RAPH1: variants seen among roughly 807,000 people sequenced by gnomAD.
RAPH1 encodes ras-associated and pleckstrin homology domains-containing protein 1.
RAPH1 carries 18 observed loss-of-function variants against 88.1 expected under a neutral mutation model. That is an observed-to-expected ratio of 0.20 (90% CI 0.14 to 0.30). RAPH1 has a LOEUF of 0.30. RAPH1 is among the 10% of genes least tolerant of loss of function. The pLI, the probability that RAPH1 is intolerant of heterozygous loss-of-function variation, is 1.00. For missense variants in RAPH1, 1,448 were observed against 1,543.2 expected (o/e 0.94, Z 1.03); for synonymous variants, 587 against 559.0 (o/e 1.05, Z -0.71).
At chr2:203,462,475 A>G (rs2098524894) in intron 4 of RAPH1, among the ~76,000 whole-genome samples, 1 of 152,252 alleles carries the variant, frequency 6.6e-6, no homozygotes, top group African/African-American at 2.4e-5. Flanking sequence ...TCTCATTAGT[A>G]TACCAATACA....
chr2:203,476,705 CTT>C (rs1398975081), intron 4 of RAPH1, among the ~76,000 whole-genome samples: 10 of 152,148 alleles, frequency 6.6e-5, no homozygotes, highest in Non-Finnish European at 1.3e-4. Flanking sequence ...AGAAACTAGG[CTT>C]TCAGTTAAGC....
chr2:203,517,480 G>A (rs1411779981), intron 1 of RAPH1, among the ~76,000 whole-genome samples: 1 of 149,650 alleles, frequency 6.7e-6, no homozygotes, highest in Non-Finnish European at 1.5e-5. Flanking sequence ...AATCAGTAAA[G>A]ATATAGTTGA....
intron 1 of RAPH1, among the ~76,000 whole-genome samples, chr2:203,496,153 G>A (rs1441997668): frequency 1.3e-5 from 2 of 152,088 alleles, no homozygotes. Flanking sequence ...GTGGTCAGGG[G>A]TTTGAAACCA....
intron 1 of RAPH1, chr2:203,533,388 C>T (rs1457077991): frequency 2.6e-5 from 4 of 152,184 alleles, no homozygotes; most frequent in Admixed American, 2.6e-4. Context: ...CATCTGGTTT[C>T]TGGGAAATTC....
intron 1 of RAPH1, among the ~76,000 whole-genome samples, chr2:203,502,416 G>A (rs1688774236): frequency 6.6e-6 from 1 of 152,082 alleles, no homozygotes; most frequent in Non-Finnish European, 1.5e-5. Flanking sequence ...TACATTAACT[G>A]TGAAGTAATT....
At chr2:203,523,997 C>G (rs1471105247) in intron 1 of RAPH1, among the ~76,000 whole-genome samples, 1 of 152,100 alleles carries the variant, frequency 6.6e-6, no homozygotes, top group Admixed American at 6.5e-5. Flanking sequence ...GAGCGAGACT[C>G]TGTCTCAAAA....
At chr2:203,449,840 C>T (rs766330557) in intron 10 of RAPH1, among the ~76,000 whole-genome samples, 3 of 151,874 alleles carry the variant, frequency 2.0e-5, no homozygotes, top group African/African-American at 4.8e-5. Context: ...CTGACCAACA[C>T]GGTGAAACCC....
chr2:203,443,713 C>T (rs895026268), intron 13 of RAPH1: 1 of 151,832 alleles, frequency 6.6e-6, no homozygotes, highest in Non-Finnish European at 1.5e-5. Context: ...AATATGGTGG[C>T]TCATGCCTGT....
At chr2:203,528,506 G>A (rs1690228818) in intron 1 of RAPH1, among the ~76,000 whole-genome samples, 1 of 152,056 alleles carries the variant, frequency 6.6e-6, no homozygotes, top group Non-Finnish European at 1.5e-5. Context: ...TCTCCTAATA[G>A]AAAGTACAGC....
intron 1 of RAPH1, among the ~76,000 whole-genome samples, chr2:203,528,316 C>T (rs950018867): frequency 6.6e-6 from 1 of 152,046 alleles, no homozygotes; most frequent in African/African-American, 2.4e-5. Context: ...AACAGAGAAG[C>T]CATTTCTAAC....
At chr2:203,486,821 G>A (rs1327247956) in intron 4 of RAPH1, among the ~76,000 whole-genome samples, 1 of 152,122 alleles carries the variant, frequency 6.6e-6, no homozygotes, top group Non-Finnish European at 1.5e-5. Context: ...AGCAAGTTCC[G>A]GGTTTGTTAA....
At chr2:203,445,475 T>C (rs2098508639) in intron 12 of RAPH1, 1 of 153,848 alleles carries the variant, frequency 6.5e-6, no homozygotes, top group African/African-American at 2.4e-5. Flanking sequence ...TTTCTAGCAA[T>C]GAGCAATACT....
intron 1 of RAPH1, among the ~76,000 whole-genome samples, chr2:203,509,172 G>C (rs2105916651): frequency 6.7e-6 from 1 of 148,660 alleles, no homozygotes; most frequent in East Asian, 2.0e-4. Flanking sequence ...CCAGGTTCAA[G>C]TGATTCTTGT....
At chr2:203,477,942 T>C (rs942467347) in intron 4 of RAPH1, among the ~76,000 whole-genome samples, 16 of 152,284 alleles carry the variant, frequency 1.1e-4, no homozygotes, top group Middle Eastern at 3.4e-3. Context: ...CACTCATTTT[T>C]CCCTTAATTT....
intron 4 of RAPH1, among the ~76,000 whole-genome samples, chr2:203,465,263 T>C (rs762691287): frequency 6.6e-6 from 1 of 152,158 alleles, no homozygotes; most frequent in Non-Finnish European, 1.5e-5. Flanking sequence ...CAGTAAGTAA[T>C]AAATAAACTA....
chr2:203,448,189 A>C lies in RAPH1; in HGVS notation c.1513-110T>G. ...GTTTACTGATTGATGGTCTGTATTA[A>C]AATTAATACCTATGATAGTTCAAAA... On this transcript the variant is annotated intron_variant, in intron 11 of 13. Transcript: ENST00000319170. This position sits in a 1 kb window ranked among gnomAD's most constrained non-coding sequence, Gnocchi z 4.1. 1 of 999,442 alleles carries C rather than the reference A, an allele frequency of 1.0e-6. No individual in the cohort carries two copies. The highest frequency in any genetic ancestry group is 1.5e-6 in the Non-Finnish European group (1 of 682,114). 61.9% of individuals were successfully genotyped at this position (999,442 alleles called of 1,614,324 possible). A position where few individuals can be genotyped will look rare whatever the true frequency, so the allele number is the denominator to read the frequency against.
chr2:203,483,415 A>G (rs1168398230), intron 4 of RAPH1, among the ~76,000 whole-genome samples: 1 of 152,228 alleles, frequency 6.6e-6, no homozygotes, highest in African/African-American at 2.4e-5. Flanking sequence ...TAGAAAGAAA[A>G]TAAGTAGATA....
At chr2:203,445,373 T>C (rs866021085) in intron 12 of RAPH1, 5 of 179,924 alleles carry the variant, frequency 2.8e-5, no homozygotes, top group Non-Finnish European at 3.5e-5. Context: ...CTGCATTACA[T>C]TGAGAATCAG....
chr2:203,457,909 G>A (rs1238085987), intron 7 of RAPH1, among the ~76,000 whole-genome samples: 3 of 152,194 alleles, frequency 2.0e-5, no homozygotes, highest in East Asian at 1.9e-4. Flanking sequence ...TGAAAGCTAC[G>A]TTAGAGGATC....
Sources: gnomAD v4.1 joint callset for allele counts (sites outside exome capture counted in the v4.1 genomes callset) on GRCh38, gnomAD v4.1.1 for gene constraint, Gnocchi (gnomAD v3.1) non-coding constraint, MANE v1.5 for transcripts, NCBI Gene and HGNC (gene_info 2026-07-23, HGNC 2026-07-21) for gene names.